ERCC6L2: variants seen among roughly 807,000 people sequenced by gnomAD.
ERCC6L2 encodes the protein ERCC excision repair 6 like 2.
A neutral mutation model predicts 132.0 loss-of-function variants in ERCC6L2; 77 were observed. That is an observed-to-expected ratio of 0.58 (90% confidence interval 0.49 to 0.71). The LOEUF is 0.71. Ranked by LOEUF, ERCC6L2 falls within the 30% of genes least tolerant of loss-of-function variation. ERCC6L2 has a pLI of 0.00. For synonymous variants in ERCC6L2, 583 were observed against 632.4 expected, an observed-to-expected ratio of 0.92 and a Z score of 1.17; for missense variants, 1,542 against 1,837.6, an observed-to-expected ratio of 0.84 and a Z score of 2.94.
intron 11 of ERCC6L2, among the ~76,000 whole-genome samples, chr9:95,933,917 C>G (rs892087466): frequency 6.6e-6 from 1 of 151,322 alleles, no homozygotes; most frequent in African/African-American, 2.4e-5. Flanking sequence ...TGCATAGTTC[C>G]TGATATATAG....
rs1834099533 is a variant in ERCC6L2, at chr9:96,013,280, A to C, written c.*77A>C. 1.3e-5 allele frequency: 15 copies of C among 1,168,392 alleles called. No homozygotes were observed. Among genetic ancestry groups the C allele is most frequent in the African/African-American group, 1.6e-5 (1 of 62,472 alleles). 72.4% of individuals were successfully genotyped at this position (1,168,392 alleles called of 1,614,324 possible). On this transcript the variant is annotated 3_prime_UTR_variant, in exon 19 of 19. Coordinates refer to ENST00000653738, the MANE Select transcript of ERCC6L2 (RefSeq NM_020207.7). The stretch of plus-strand genomic sequence containing the variant: ...CACTGGATTCCACACTGATTCTATT[A>C]TCTTGAACACAGTTGTTGACATATA...
intron 2 of ERCC6L2, among the ~76,000 whole-genome samples, chr9:95,892,249 T>A (rs972141975): frequency 1.3e-5 from 2 of 152,126 alleles, no homozygotes; most frequent in Non-Finnish European, 2.9e-5. Context: ...TACTATAGAT[T>A]ATATGTTCTG....
chr9:95,907,826 T>TGC (rs1829122490), intron 4 of ERCC6L2, among the ~76,000 whole-genome samples: 1 of 40,870 alleles, frequency 2.4e-5, no homozygotes, highest in Admixed American at 3.6e-4. Context: ...GGGCAAAAAC[T>TGC]ACACACACAC....
intron 17 of ERCC6L2, among the ~76,000 whole-genome samples, chr9:95,978,842 G>A (rs1419988026): frequency 2.0e-5 from 3 of 152,032 alleles, no homozygotes; most frequent in Non-Finnish European, 4.4e-5. Flanking sequence ...TACTTTATGG[G>A]CAAGAGTTCA....
rs796802707 is a variant in ERCC6L2, at chr9:95,885,144, C to T, written c.471+3851C>T. Among the ~76,000 whole-genome samples, 10 of 152,120 alleles carry T rather than the reference C, an allele frequency of 6.6e-5. No individual in the cohort carries two copies. The East Asian group carries it at 9.6e-4, about 15-fold the overall frequency. On this transcript the variant is annotated intron_variant, in intron 2 of 18. Coordinates refer to ENST00000653738, the MANE Select transcript of ERCC6L2 (RefSeq NM_020207.7). Reference sequence around the variant, plus strand: ...TCAAAGATTATGAACTAATTTTTCCCGATACCTTCTGACATTTTTCTAAAA... The same window carrying T: ...TCAAAGATTATGAACTAATTTTTCCTGATACCTTCTGACATTTTTCTAAAA...
intron 2 of ERCC6L2, among the ~76,000 whole-genome samples, chr9:95,890,985 G>A (rs1019682477): frequency 5.9e-5 from 9 of 152,172 alleles, no homozygotes; most frequent in African/African-American, 2.2e-4. Context: ...GGCTAAGGTG[G>A]GCAGATCACC....
chr9:96,019,685 A>G (rs1212322172), downstream of ERCC6L2: 1 of 152,360 alleles, frequency 6.6e-6, no homozygotes, highest in Non-Finnish European at 1.5e-5. Flanking sequence ...GGGGTGTATC[A>G]GTCCATTCTC....
intron 9 of ERCC6L2, among the ~76,000 whole-genome samples, chr9:95,926,972 AAAT>A (rs1181486653): frequency 2.0e-5 from 3 of 152,046 alleles, no homozygotes; most frequent in Non-Finnish European, 4.4e-5. Context: ...AAAACAGAAA[AAAT>A]AATATCTACC....
At chr9:96,032,321 G>A (rs1834470678) in intron 19 of ERCC6L2, among the ~76,000 whole-genome samples, 1 of 152,344 alleles carries the variant, frequency 6.6e-6, no homozygotes, top group Non-Finnish European at 1.5e-5. Flanking sequence ...AGGCCAGGCA[G>A]AATCAGCTCT....
chr9:95,901,151 T>C (rs1828754807), intron 3 of ERCC6L2, among the ~76,000 whole-genome samples: 1 of 152,206 alleles, frequency 6.6e-6, no homozygotes, highest in African/African-American at 2.4e-5. Context: ...CATAGGCTTA[T>C]CTGCCTATGG....
downstream of ERCC6L2, among the ~76,000 whole-genome samples, chr9:96,019,396 C>T (rs893127700): frequency 1.3e-5 from 2 of 152,190 alleles, no homozygotes; most frequent in African/African-American, 4.8e-5. Flanking sequence ...TCAGCTTTCT[C>T]TTCCTCTCCG....
At chr9:96,030,701 C>CAAA (rs35421948) in intron 19 of ERCC6L2, among the ~76,000 whole-genome samples, 8 of 79,934 alleles carry the variant, frequency 1.0e-4, no homozygotes, top group African/African-American at 2.5e-4. Context: ...GACTCCATCT[C>CAAA]AAAAAAAAAA....
chr9:95,897,686 T>C (rs1270522594), intron 2 of ERCC6L2, among the ~76,000 whole-genome samples, 163 bp from the exon 3 acceptor site: 1 of 152,174 alleles, frequency 6.6e-6, no homozygotes, highest in Non-Finnish European at 1.5e-5. Context: ...AAACAGTTTG[T>C]TATTACAAAT....
At chr9:95,890,981 G>A (rs1458845035) in intron 2 of ERCC6L2, among the ~76,000 whole-genome samples, 1 of 152,178 alleles carries the variant, frequency 6.6e-6, no homozygotes. Context: ...GGGAGGCTAA[G>A]GTGGGCAGAT....
chr9:95,937,486 T>C (rs1272910736), intron 11 of ERCC6L2, among the ~76,000 whole-genome samples: 1 of 152,098 alleles, frequency 6.6e-6, no homozygotes, highest in Non-Finnish European at 1.5e-5. Flanking sequence ...TTATTTTTTT[T>C]CCCTAAGAGT....
At chr9:95,927,093 G>T (rs1830133315) in intron 9 of ERCC6L2, among the ~76,000 whole-genome samples, 1 of 151,976 alleles carries the variant, frequency 6.6e-6, no homozygotes, top group Non-Finnish European at 1.5e-5. Context: ...TTCTCCAAAT[G>T]TGAAAGTAAT....
chr9:95,948,727 A>G (rs1375117713), intron 12 of ERCC6L2, among the ~76,000 whole-genome samples: 1 of 151,816 alleles, frequency 6.6e-6, no homozygotes, highest in Non-Finnish European at 1.5e-5. Context: ...ACCAGTTTGC[A>G]AAGACTTGGG....
At chr9:95,975,713 T>C (rs1564279826) in intron 16 of ERCC6L2, among the ~76,000 whole-genome samples, 2 of 152,088 alleles carry the variant, frequency 1.3e-5, no homozygotes, top group African/African-American at 4.8e-5. Context: ...TTTCAGATGT[T>C]CAGTCTTCTT....
intron 16 of ERCC6L2, among the ~76,000 whole-genome samples, chr9:95,977,008 G>T (rs1361410959): frequency 1.3e-5 from 2 of 152,072 alleles, no homozygotes; most frequent in African/African-American, 4.8e-5. Context: ...TGGTTGGTGT[G>T]CTACAGTTAG....
Sources: allele counts gnomAD v4.1 joint callset (sites outside exome capture counted in the v4.1 genomes callset), GRCh38; gene constraint gnomAD v4.1.1; transcripts MANE v1.5; gene names NCBI Gene and HGNC (gene_info 2026-07-23, HGNC 2026-07-21).